The following CPNE5 variants were observed in gnomAD, a reference collection of about 807,000 sequenced individuals.
CPNE5 encodes the protein copine 5, also known as copine-5.
A neutral mutation model predicts 81.1 loss-of-function variants in CPNE5; 42 were observed. The observed-to-expected ratio is 0.52, with a 90% confidence interval of 0.40 to 0.67. CPNE5 has a LOEUF of 0.67. Ranked by LOEUF, CPNE5 falls within the 30% of genes least tolerant of loss-of-function variation. CPNE5 has a pLI of 0.00. For synonymous variants in CPNE5, 313 were observed against 321.5 expected, an observed-to-expected ratio of 0.97 and a Z score of 0.28; for missense variants, 612 against 815.5, an observed-to-expected ratio of 0.75 and a Z score of 3.04.
At chr6:36,779,067 C>G in intron 8 of CPNE5, 110 bp from the exon 9 acceptor site, 1 of 718,396 alleles carries the variant, frequency 1.4e-6, no homozygotes, top group South Asian at 1.7e-5. Flanking sequence ...TGGAATGCAC[C>G]GACTAAGTGC....
chr6:36,799,939 T>G, intron 4 of CPNE5, 28 bp downstream of exon 4: 2 of 1,519,054 alleles, frequency 1.3e-6, no homozygotes, highest in Middle Eastern at 3.4e-4. Context: ...CCCACCTGGC[T>G]GCATCTTCAG....
chr6:36,762,348 T>A (rs1562108464), intron 12 of CPNE5, among the ~76,000 whole-genome samples: 2 of 145,252 alleles, frequency 1.4e-5, no homozygotes, highest in Non-Finnish European at 3.0e-5. Flanking sequence ...AAATACATGC[T>A]CACACACACA....
chr6:36,831,081 A>G (rs1387091274), intron 1 of CPNE5, among the ~76,000 whole-genome samples: 1 of 151,822 alleles, frequency 6.6e-6, no homozygotes, highest in Non-Finnish European at 1.5e-5. Context: ...TTGAGATGGA[A>G]TCTCACTCTG....
At chr6:36,823,014 G>T in intron 2 of CPNE5, 44 bp downstream of exon 2, 2 of 1,499,036 alleles carry the variant, frequency 1.3e-6, no homozygotes, top group Non-Finnish European at 1.8e-6. Flanking sequence ...TAGTCATAGC[G>T]TTGCCGCTAT....
At position 36,744,257 on chromosome 6, in the gene CPNE5, G is replaced by A; in HGVS notation, c.1489+11C>T. On this transcript the variant is annotated intron_variant, in intron 19 of 20. Transcript: ENST00000244751. The stretch of plus-strand genomic sequence containing the variant: ...GGAAGGAAAGGAGGGGAAGGCAGCA[G>A]CTGGACTCACCGTCGAACTCTGCCT... 1 of 1,572,742 alleles carries A rather than the reference G, an allele frequency of 6.4e-7. No homozygotes were observed. Among genetic ancestry groups the A allele is most frequent in the South Asian group, 1.2e-5 (1 of 85,432 alleles).
At position 36,762,304 on chromosome 6, in the gene CPNE5, GCACA is replaced by G. The variant is rs60481458; in HGVS notation, c.855+609_855+612del. Reference sequence around the variant, plus strand: ...CACGCACGCGCACACACACATACATGCACACACACACACACACGCATGCGCACAC... The same window carrying G: ...CACGCACGCGCACACACACATACATGCACACACACACACGCATGCGCACAC... On this transcript the variant is annotated intron_variant, in intron 12 of 20. Transcript: ENST00000244751. Among the ~76,000 whole-genome samples the G allele has an allele frequency of 2.2e-3, 318 of 146,514 alleles. 3 individuals carry two copies. The highest frequency in any genetic ancestry group is 3.5e-3 in the Admixed American group (51 of 14,772).
chr6:36,780,417 T>G (rs1311470063), intron 8 of CPNE5, among the ~76,000 whole-genome samples: 2 of 152,208 alleles, frequency 1.3e-5, no homozygotes, highest in African/African-American at 4.8e-5. Flanking sequence ...GGAATACGGC[T>G]GCTGGAGCCA....
chr6:36,791,563 C>A (rs1406845959), intron 8 of CPNE5, among the ~76,000 whole-genome samples: 3 of 152,210 alleles, frequency 2.0e-5, no homozygotes, highest in Non-Finnish European at 4.4e-5. Context: ...TTCTTCCCAA[C>A]ACATGCGTAC....
At chr6:36,792,177 G>A in intron 7 of CPNE5, 81 bp from the exon 8 acceptor site, 6 of 1,378,446 alleles carry the variant, frequency 4.4e-6, no homozygotes, top group South Asian at 1.2e-5. Context: ...TCAGCCCCCT[G>A]CCCATCCTCC....
chr6:36,783,651 G>A (rs972668486), intron 8 of CPNE5, among the ~76,000 whole-genome samples: 1 of 152,138 alleles, frequency 6.6e-6, no homozygotes, highest in African/African-American at 2.4e-5. Flanking sequence ...CCACAGGTGT[G>A]TGCCACCATG....
chr6:36,790,785 C>T (rs1399564443), intron 8 of CPNE5, among the ~76,000 whole-genome samples: 2 of 152,016 alleles, frequency 1.3e-5, no homozygotes, highest in Non-Finnish European at 1.5e-5. Flanking sequence ...CCTCGTGATC[C>T]GCCCGCCTCG....
chr6:36,801,969 C>T (rs932313567), intron 3 of CPNE5, among the ~76,000 whole-genome samples: 9 of 151,988 alleles, frequency 5.9e-5, no homozygotes, highest in African/African-American at 2.2e-4. Context: ...GCCTGTAATC[C>T]CAGCACTTTG....
intron 10 of CPNE5, 84 bp from the exon 11 acceptor site, chr6:36,765,460 C>A: frequency 6.5e-7 from 1 of 1,543,548 alleles, no homozygotes. Flanking sequence ...GTTCCCGGAC[C>A]AGATAGGGAG....
intron 8 of CPNE5, among the ~76,000 whole-genome samples, chr6:36,788,226 C>T (rs991096758): frequency 8.8e-5 from 13 of 148,520 alleles, no homozygotes; most frequent in East Asian, 2.0e-4. Context: ...TAGAGATGGT[C>T]GGGGGGGGGT....
At chr6:36,767,860 G>GT (rs532298952) in intron 10 of CPNE5, among the ~76,000 whole-genome samples, 236 of 152,346 alleles carry the variant, frequency 1.5e-3, no homozygotes, top group African/African-American at 5.3e-3. Context: ...GACAGCACTA[G>GT]TTTTCAAACT....
In CPNE5 at chr6:36,746,863, G is replaced by A. The variant is rs1764225530; in HGVS notation, c.1019-286C>T. Among the ~76,000 whole-genome samples the A allele has an allele frequency of 6.6e-6, 1 of 152,020 alleles. No individual in the cohort carries two copies. The highest frequency in any genetic ancestry group is 1.5e-5 in the Non-Finnish European group (1 of 67,984). On this transcript the variant is annotated intron_variant, in intron 15 of 20. Coordinates refer to ENST00000244751, the MANE Select transcript of CPNE5 (RefSeq NM_020939.2). The surrounding 1 kb of genome is among the most constrained non-coding windows in gnomAD (Gnocchi z 4.5). ...GTGCCTCCAGCCCATATCCAGCACA[G>A]CAGTGACTGAGCCTATCCGCCTCAG...
intron 3 of CPNE5, 132 bp downstream of exon 3, chr6:36,821,982 C>T: frequency 1.3e-6 from 1 of 744,230 alleles, no homozygotes; most frequent in Non-Finnish European, 2.1e-6. Flanking sequence ...ATGCTTTGCA[C>T]ACCTTACTAG....
At chr6:36,773,694 GA>G (rs1306932914) in intron 10 of CPNE5, among the ~76,000 whole-genome samples, 4 of 152,192 alleles carry the variant, frequency 2.6e-5, no homozygotes, top group African/African-American at 9.7e-5. Flanking sequence ...TACAGATAAG[GA>G]AACTCAGGCT....
rs561005257 is a variant in CPNE5 at position 36,787,070 on chromosome 6, G to A, written c.528+4963C>T. On this transcript the variant is annotated intron_variant, in intron 8 of 20. Coordinates refer to ENST00000244751, the MANE Select transcript of CPNE5 (RefSeq NM_020939.2). The stretch of plus-strand genomic sequence containing the variant: ...GCTGGTTACACGGGATGCTCATATC[G>A]GTCTCAGCCACAACACACGACTCTC... Among the ~76,000 whole-genome samples, 17 of 152,122 alleles carry A rather than the reference G, an allele frequency of 1.1e-4. 1 individual carries two copies. In the South Asian group the frequency reaches 1.2e-3, roughly 11 times the overall value.
Sources: gnomAD v4.1 joint callset for allele counts (sites outside exome capture counted in the v4.1 genomes callset) on GRCh38, gnomAD v4.1.1 for gene constraint, Gnocchi (gnomAD v3.1) non-coding constraint, MANE v1.5 for transcripts, NCBI Gene and HGNC (gene_info 2026-07-23, HGNC 2026-07-21) for gene names.